PAX5: variants seen among roughly 807,000 people sequenced by gnomAD.
The protein encoded by PAX5 is paired box protein Pax-5.
In PAX5, 9 loss-of-function variants were observed where a neutral mutation model predicts 43.7. The observed-to-expected ratio is 0.21, with a 90% confidence interval of 0.12 to 0.36. The LOEUF is 0.36. PAX5 is among the 10% of genes least tolerant of loss of function. PAX5 has a pLI of 1.00. For synonymous variants in PAX5, 228 were observed against 214.3 expected (o/e 1.06, Z -0.56); for missense variants, 383 against 532.7 (o/e 0.72, Z 2.77).
At chr9:36,901,062 T>C (rs1288737896) in intron 7 of PAX5, among the ~76,000 whole-genome samples, 1 of 152,100 alleles carries the variant, frequency 6.6e-6, no homozygotes, top group Non-Finnish European at 1.5e-5. Flanking sequence ...CTCCTGGGCT[T>C]TTACAGCCAC....
In PAX5 at chr9:36,854,336, T is replaced by C. The variant is rs73648135; in HGVS notation, c.1013-7407A>G. The stretch of plus-strand genomic sequence containing the variant: ...TACACATGTATAGACACTCCCGATA[T>C]ACACGTACACATGCATATAATGTAT... On this transcript the variant is annotated intron_variant, in intron 8 of 9. Transcript: ENST00000358127. Among the ~76,000 whole-genome samples, 659 of 152,308 alleles carry C rather than the reference T, an allele frequency of 4.3e-3. 6 individuals are homozygous for C. The highest frequency in any genetic ancestry group is 0.015 in the African/African-American group (607 of 41,558).
intron 6 of PAX5, among the ~76,000 whole-genome samples, chr9:36,962,086 G>T (rs1299552491): frequency 2.0e-5 from 3 of 152,072 alleles, no homozygotes; most frequent in African/African-American, 7.3e-5. Context: ...CTGCAAGTGG[G>T]GCAGGCTCCG....
At position 36,902,277 on chromosome 9, in the gene PAX5, T is replaced by C. The variant is rs559089051; in HGVS notation, c.911-20172A>G. On this transcript the variant is annotated intron_variant, in intron 7 of 9. Coordinates refer to ENST00000358127, the MANE Select transcript of PAX5 (RefSeq NM_016734.3). ...GCCTTGATATATCAGTTCCCCCTTC[T>C]TCCCAAATCACAGACAATAAAAGCT... is the stretch of plus-strand genomic sequence containing the variant. 8.5e-5 allele frequency among the ~76,000 whole-genome samples: 13 copies of C among 152,310 alleles called. No homozygotes were observed. The East Asian group carries it at 1.7e-3, about 20-fold the overall frequency.
rs573705840 is a variant in PAX5 at position 36,878,197 on chromosome 9, G to T, written c.1012+3807C>A. Among the ~76,000 whole-genome samples the T allele has an allele frequency of 3.4e-3, 516 of 152,344 alleles. 1 individual carries two copies. The highest frequency in any genetic ancestry group is 3.5e-3 in the Non-Finnish European group (238 of 68,030). On this transcript the variant is annotated intron_variant, in intron 8 of 9. Coordinates refer to ENST00000358127, the MANE Select transcript of PAX5 (RefSeq NM_016734.3). The stretch of plus-strand genomic sequence containing the variant: ...CAGTTCTGTGGTTTTAAGCCACCAG[G>T]TTTGGGGAGATTTGTTACAGTAGCC...
intron 5 of PAX5, among the ~76,000 whole-genome samples, chr9:36,969,445 G>C (rs1030129378): frequency 1.3e-5 from 2 of 152,234 alleles, no homozygotes; most frequent in Non-Finnish European, 2.9e-5. Context: ...GGCCCCTGGG[G>C]GCAAGGTCAC....
chr9:36,907,054 G>A (rs1828886730), intron 7 of PAX5, among the ~76,000 whole-genome samples: 1 of 152,124 alleles, frequency 6.6e-6, no homozygotes, highest in Admixed American at 6.5e-5. Flanking sequence ...GCTACAGTGA[G>A]CGGAAAAGGG....
At chr9:36,894,003 G>T (rs779398372) in intron 7 of PAX5, among the ~76,000 whole-genome samples, 4 of 152,164 alleles carry the variant, frequency 2.6e-5, no homozygotes, top group Admixed American at 6.5e-5. Flanking sequence ...TGGCTCCCTG[G>T]AGAGCCCTTG....
intron 1 of PAX5, among the ~76,000 whole-genome samples, chr9:37,030,130 C>G: frequency 6.6e-6 from 1 of 152,182 alleles, no homozygotes; most frequent in Non-Finnish European, 1.5e-5. Context: ...GGCTTCGGGA[C>G]AGTGTTCTGC....
At chr9:37,022,633 CA>C (rs1839951259) in intron 1 of PAX5, among the ~76,000 whole-genome samples, 1 of 152,192 alleles carries the variant, frequency 6.6e-6, no homozygotes, top group African/African-American at 2.4e-5. Flanking sequence ...GCCCAAAACA[CA>C]GTGGCAACCT....
Position 36,884,995 on chromosome 9 carries a change from G to A in PAX5, c.911-2890C>T, listed in dbSNP as rs866879530. Among the ~76,000 whole-genome samples, 10 of 152,292 alleles carry A rather than the reference G, an allele frequency of 6.6e-5. No homozygotes were observed. In the Middle Eastern group the frequency reaches 0.02, roughly 311 times the overall value. Reference sequence around the variant, plus strand: ...AGAGGGGCTCCTTTGCCTTGTCCACGGCTCCAGTTTTACGCAGGCACAGTC... The same window carrying A: ...AGAGGGGCTCCTTTGCCTTGTCCACAGCTCCAGTTTTACGCAGGCACAGTC... On this transcript the variant is annotated intron_variant, in intron 7 of 9. Transcript: ENST00000358127.
chr9:36,924,736 GAA>G (rs1830461406), intron 6 of PAX5, among the ~76,000 whole-genome samples: 1 of 25,924 alleles, frequency 3.9e-5, no homozygotes, highest in Non-Finnish European at 8.4e-5. Flanking sequence ...GAAAGAGGTG[GAA>G]GGAAGGAAGG....
intron 8 of PAX5, among the ~76,000 whole-genome samples, chr9:36,878,227 G>A (rs1233772990): frequency 6.6e-6 from 1 of 152,192 alleles, no homozygotes. Context: ...GTAGCCACAG[G>A]AAACTAACAC....
chr9:37,002,977 G>T, intron 4 of PAX5: 1 of 578,170 alleles, frequency 1.7e-6, no homozygotes, highest in Admixed American at 3.3e-5. Context: ...CCAGTTCTCT[G>T]CGATGGGGGG....
intron 6 of PAX5, among the ~76,000 whole-genome samples, chr9:36,962,365 T>A (rs1174340415): frequency 6.6e-6 from 1 of 152,140 alleles, no homozygotes; most frequent in Non-Finnish European, 1.5e-5. Context: ...TGAGATGAGA[T>A]TCCAGCTCTG....
intron 1 of PAX5, among the ~76,000 whole-genome samples, chr9:37,024,713 G>C (rs1035448621): frequency 6.6e-6 from 1 of 152,186 alleles, no homozygotes; most frequent in Non-Finnish European, 1.5e-5. Flanking sequence ...ATTGAAGGCC[G>C]GACAAGGAGG....
At chr9:36,850,707 G>A (rs564686043) in intron 8 of PAX5, among the ~76,000 whole-genome samples, 1 of 152,340 alleles carries the variant, frequency 6.6e-6, no homozygotes, top group South Asian at 2.1e-4. Flanking sequence ...CGGAGTGGCT[G>A]TCCCTCAGTG....
chr9:36,993,947 G>A (rs1487940546), intron 5 of PAX5, among the ~76,000 whole-genome samples: 1 of 152,196 alleles, frequency 6.6e-6, no homozygotes, highest in Non-Finnish European at 1.5e-5. Flanking sequence ...GGTAAGAGGA[G>A]GGGGAGGGGC....
At chr9:37,028,985 C>T (rs545313948) in intron 1 of PAX5, among the ~76,000 whole-genome samples, 72 of 152,282 alleles carry the variant, frequency 4.7e-4, no homozygotes, top group African/African-American at 1.4e-3. Context: ...ATTCTTCACC[C>T]AAGAAGCTAT....
chr9:37,003,990 A>C (rs1225656592), intron 4 of PAX5, among the ~76,000 whole-genome samples: 1 of 152,274 alleles, frequency 6.6e-6, no homozygotes, highest in Non-Finnish European at 1.5e-5. Flanking sequence ...TGATGATTGC[A>C]ACAGCCCAGA....
Sources: allele counts gnomAD v4.1 joint callset (sites outside exome capture counted in the v4.1 genomes callset), GRCh38; gene constraint gnomAD v4.1.1; transcripts MANE v1.5; gene names NCBI Gene and HGNC (gene_info 2026-07-23, HGNC 2026-07-21).